Variants in BTBD8 observed in about 807,000 individuals in gnomAD.
BTBD8 encodes BTB domain containing 8.
BTBD8 carries 110 observed loss-of-function variants against 162.9 expected under a neutral mutation model. The observed-to-expected ratio is 0.68, with a 90% CI of 0.58 to 0.79. The LOEUF (loss-of-function observed/expected upper bound fraction) is 0.79, where lower values mean the gene tolerates loss of function less well. BTBD8 is among the 30% of genes least tolerant of loss of function. The probability of loss-of-function intolerance (pLI) is 0.00; values close to 1 mark genes in which losing one functional copy is unlikely to be tolerated. For missense variants in BTBD8, 1,905 were observed against 2,085.4 expected, an observed-to-expected ratio of 0.91 and a Z score of 1.68; for synonymous variants, 667 against 716.1, an observed-to-expected ratio of 0.93 and a Z score of 1.10.
intron 13 of BTBD8, among the ~76,000 whole-genome samples, chr1:92,175,477 C>CAAAAAAA (rs71091265): frequency 0.021 from 782 of 37,390 alleles, 85 homozygotes; most frequent in Non-Finnish European, 0.028. Context: ...GACTCCATCT[C>CAAAAAAA]AAAAAAAAAA....
chr1:92,136,507 A>C (rs1402702352), intron 5 of BTBD8, among the ~76,000 whole-genome samples: 1 of 152,176 alleles, frequency 6.6e-6, no homozygotes, highest in Non-Finnish European at 1.5e-5. Context: ...GCAGAGGCCC[A>C]GTATTACGTG....
chr1:92,120,911 C>T (rs1002574461), intron 4 of BTBD8, among the ~76,000 whole-genome samples: 1 of 152,142 alleles, frequency 6.6e-6, no homozygotes, highest in Non-Finnish European at 1.5e-5. Flanking sequence ...TATAGACGTG[C>T]ACCACCAAGC....
chr1:92,143,734 A>G (rs1045275275), intron 7 of BTBD8, among the ~76,000 whole-genome samples: 1 of 150,128 alleles, frequency 6.7e-6, no homozygotes, highest in Non-Finnish European at 1.5e-5. Context: ...CTGGTCTTGA[A>G]CTCCTGACCT....
chr1:92,176,104 C>CT (rs1430954339), intron 13 of BTBD8, among the ~76,000 whole-genome samples: 2 of 151,878 alleles, frequency 1.3e-5, no homozygotes, highest in African/African-American at 4.8e-5. Flanking sequence ...TTCCTAGGAG[C>CT]TTTTAAAAAA....
intron 4 of BTBD8, among the ~76,000 whole-genome samples, chr1:92,128,786 G>A (rs1465406633): frequency 1.3e-5 from 2 of 152,122 alleles, no homozygotes; most frequent in Admixed American, 6.6e-5. Context: ...TGATTTACAT[G>A]TAATGTAGGG....
At chr1:92,174,523 T>G (rs1650647530) in intron 13 of BTBD8, among the ~76,000 whole-genome samples, 2 of 152,256 alleles carry the variant, frequency 1.3e-5, no homozygotes, top group Admixed American at 6.5e-5. Context: ...TCAAGATGCA[T>G]AAATTCAAGG....
intron 3 of BTBD8, among the ~76,000 whole-genome samples, chr1:92,107,052 C>G (rs540799127): frequency 6.6e-6 from 1 of 152,094 alleles, no homozygotes; most frequent in African/African-American, 2.4e-5. Flanking sequence ...GCACTCCAGC[C>G]TGAGTGACAG....
At chr1:92,176,117 AT>A (rs1365214220) in intron 13 of BTBD8, among the ~76,000 whole-genome samples, 3 of 152,112 alleles carry the variant, frequency 2.0e-5, no homozygotes, top group Non-Finnish European at 2.9e-5. Context: ...TTAAAAAAAA[AT>A]TTTTTTAAAT....
At chr1:92,140,125 A>G (rs941221332) in intron 6 of BTBD8, among the ~76,000 whole-genome samples, 2 of 136,312 alleles carry the variant, frequency 1.5e-5, no homozygotes, top group Non-Finnish European at 3.2e-5. Flanking sequence ...AAAAAAAAAA[A>G]GAATATAGGG....
In BTBD8 at chr1:92,178,418, A is replaced by G. The variant is rs1650786024; in HGVS notation, c.2548A>G (p.Lys850Glu). The G allele has an allele frequency of 6.4e-7, 1 of 1,551,098 alleles. No individual in the cohort carries two copies. Among genetic ancestry groups the G allele is most frequent in the South Asian group, 1.2e-5 (1 of 83,894 alleles). The change falls in exon 16 of 18, where the codon AAG becomes GAG. Residue 850 changes from lysine to glutamate, a missense_variant. Around this residue, in one of 3 missense-constraint regions of BTBD8, gnomAD observed 1,374 missense variants for 1,442.7 expected, o/e 0.95. Transcript: ENST00000636805. ...ATGTACTGCAGCTCAGCAGAGGACA[A>G]AGAGTACCCCATCTAATCTTACTAA... is the stretch of plus-strand genomic sequence containing the variant. The part of the protein sequence containing the change: ...NGCTAAQQRT[K>E]STPSNLTKTQ...
intron 9 of BTBD8, among the ~76,000 whole-genome samples, chr1:92,160,774 C>G (rs1445676298): frequency 6.6e-6 from 1 of 152,138 alleles, no homozygotes; most frequent in East Asian, 1.9e-4. Flanking sequence ...GCAACATCAT[C>G]TACCTTCTTT....
intron 2 of BTBD8, among the ~76,000 whole-genome samples, chr1:92,099,621 T>C (rs1648536709): frequency 6.6e-6 from 1 of 152,214 alleles, no homozygotes; most frequent in African/African-American, 2.4e-5. Context: ...AATATATTCC[T>C]GGTATTTTAT....
In BTBD8 at chr1:92,110,993, C is replaced by CT. The variant is rs796699216; in HGVS notation, c.662+3005dup. On this transcript the variant is annotated intron_variant, in intron 4 of 17. Transcript: ENST00000636805. ...CGTTGAAAAAGCAGAGCAGTCATTC[C>CT]TTTTTTTTTTTTTCCTAAGACAAAG... 2.8e-3 allele frequency among the ~76,000 whole-genome samples: 394 copies of CT among 142,944 alleles called. 1 individual carries two copies. The highest frequency in any genetic ancestry group is 0.01 in the East Asian group (52 of 5,026). 93.8% of individuals were successfully genotyped at this position (142,944 alleles called of 152,430 possible). A position where few individuals can be genotyped will look rare whatever the true frequency, so the allele number is the denominator to read the frequency against.
rs72956814 is a variant in BTBD8, at chr1:92,092,704, G to A, written c.347+3809G>A. On this transcript the variant is annotated intron_variant, in intron 2 of 17. Coordinates refer to ENST00000636805, the MANE Select transcript of BTBD8 (RefSeq NM_001376131.1). The stretch of plus-strand genomic sequence containing the variant: ...GGTTTGTATGTCTGACCTTAATGCC[G>A]GTGCCACTTATCTGTTTTGACTTTC... 3.6e-3 allele frequency among the ~76,000 whole-genome samples: 544 copies of A among 152,244 alleles called. 1 individual carries two copies. Among genetic ancestry groups the A allele is most frequent in the African/African-American group, 0.012 (493 of 41,532 alleles).
intron 5 of BTBD8, among the ~76,000 whole-genome samples, chr1:92,136,776 A>G (rs1649644078): frequency 6.6e-6 from 1 of 152,188 alleles, no homozygotes; most frequent in South Asian, 2.1e-4. Flanking sequence ...ATCTTGGGCA[A>G]TTTACTTAAT....
chr1:92,167,562 A>T (rs529416674), intron 10 of BTBD8, among the ~76,000 whole-genome samples: 2 of 152,388 alleles, frequency 1.3e-5, no homozygotes, highest in Admixed American at 1.3e-4. Context: ...ATTTAGGGCT[A>T]TGTTGGCTTT....
chr1:92,090,658 G>A (rs571817619), intron 2 of BTBD8, among the ~76,000 whole-genome samples: 5 of 152,266 alleles, frequency 3.3e-5, no homozygotes, highest in East Asian at 3.9e-4. Flanking sequence ...GGCCAGGTGC[G>A]ATGGCTCACA....
chr1:92,107,020 A>G (rs1012713931), intron 3 of BTBD8, among the ~76,000 whole-genome samples: 5 of 151,726 alleles, frequency 3.3e-5, no homozygotes, highest in Non-Finnish European at 7.4e-5. Context: ...TTGAAGCTGT[A>G]GTAAGCTATG....
intron 4 of BTBD8, among the ~76,000 whole-genome samples, chr1:92,112,751 T>G (rs1648933834): frequency 6.6e-6 from 1 of 152,228 alleles, no homozygotes; most frequent in South Asian, 2.1e-4. Flanking sequence ...TACAAAGTTA[T>G]GTTCTCTAAA....
Sources: gnomAD v4.1 joint callset for allele counts (sites outside exome capture counted in the v4.1 genomes callset) on GRCh38, gnomAD v4.1.1 for gene constraint, gnomAD v4.1.1 regional missense constraint, MANE v1.5 for transcripts, NCBI Gene and HGNC (gene_info 2026-07-23, HGNC 2026-07-21) for gene names.